PTHLH: variants seen among roughly 807,000 people sequenced by gnomAD.
The protein encoded by PTHLH is parathyroid hormone like hormone, also known as parathyroid hormone-related protein.
In PTHLH, 5 loss-of-function variants were observed where a neutral mutation model predicts 18.6. The ratio of observed to expected loss-of-function variants is 0.27; its 90% CI spans 0.14 to 0.56. PTHLH has a LOEUF of 0.56. Among genes scored for constraint, PTHLH ranks in the 20% least tolerant of loss-of-function variants. PTHLH has a pLI of 0.92. For synonymous variants in PTHLH, 90 were observed against 94.0 expected (o/e 0.96, Z 0.25); for missense variants, 207 against 223.9 (o/e 0.92, Z 0.48).
At chr12:27,970,800 T>G (rs1486118368) in intron 2 of PTHLH, among the ~76,000 whole-genome samples, 1 of 152,048 alleles carries the variant, frequency 6.6e-6, no homozygotes, top group Non-Finnish European at 1.5e-5. Flanking sequence ...TGTTGGCCTG[T>G]GAATTTAAGG....
At position 27,971,947 on chromosome 12, in the gene PTHLH, C is replaced by A. The variant is rs190390; in HGVS notation, c.-286G>T. 7.3e-6 allele frequency: 1 copy of A among 137,296 alleles called. No homozygotes were observed. The highest frequency in any genetic ancestry group is 1.5e-5 in the Non-Finnish European group (1 of 65,572). 8.5% of individuals were successfully genotyped at this position (137,296 alleles called of 1,614,324 possible). ...TCAACCTTTGAACCTCGAACACTTT[C>A]TGATTTATAAAAAGAATCCTTCCAA... is the stretch of plus-strand genomic sequence containing the variant. On this transcript the variant is annotated 5_prime_UTR_variant, in exon 2 of 6. Coordinates refer to ENST00000545234, the MANE Select transcript of PTHLH (RefSeq NM_198965.2).
chr12:27,969,256 G>C lies in PTHLH; in HGVS notation c.101+138C>G, dbSNP rs554979763. 2.4e-5 allele frequency: 19 copies of C among 802,424 alleles called. No homozygotes were observed. The East Asian group carries it at 4.8e-4, about 20-fold the overall frequency. The allele number at this position is 802,424 out of a possible 1,614,324, so 49.7% of individuals were successfully genotyped here. ...GAGGACCCGGGCTCAGGCCCCGGCA[G>C]GTATCCGGGATGGTCCCTCTCCCTA... On this transcript the variant is annotated intron_variant, in intron 4 of 5. Coordinates refer to ENST00000545234, the MANE Select transcript of PTHLH (RefSeq NM_198965.2).
At chr12:27,961,844 T>C in intron 5 of PTHLH, 1 of 609,568 alleles carries the variant, frequency 1.6e-6, no homozygotes, top group South Asian at 2.0e-5. Context: ...AGGTCCCCTT[T>C]GAAGCATCAT....
chr12:27,971,078 C>T (rs1386526820), intron 2 of PTHLH, among the ~76,000 whole-genome samples: 1 of 152,076 alleles, frequency 6.6e-6, no homozygotes, highest in African/African-American at 2.4e-5. Flanking sequence ...TCCTGGAGCA[C>T]GCACACGGCC....
At chr12:27,972,204 A>G (rs2062876883) in intron 1 of PTHLH, among the ~76,000 whole-genome samples, 185 bp from the exon 2 acceptor site, 1 of 152,220 alleles carries the variant, frequency 6.6e-6, no homozygotes, top group Non-Finnish European at 1.5e-5. Context: ...AGGTTAAAAC[A>G]AAAATCAGAT....
chr12:27,969,336 G>A, intron 4 of PTHLH, 58 bp downstream of exon 4: 2 of 1,479,380 alleles, frequency 1.4e-6, no homozygotes, highest in South Asian at 1.2e-5. Flanking sequence ...ATCCCAGCTT[G>A]GCAGCCCCTC....
At chr12:27,970,497 A>G (rs2062861520) in intron 2 of PTHLH, 1 of 151,448 alleles carries the variant, frequency 6.6e-6, no homozygotes, top group African/African-American at 2.4e-5. Context: ...AGCTGTCAGG[A>G]GCTCTGCCGA....
chr12:27,958,699 G>A (rs1285053708), intron 5 of PTHLH, 131 bp from the exon 6 acceptor site: 1 of 829,510 alleles, frequency 1.2e-6, no homozygotes. Flanking sequence ...GGAACTTCTT[G>A]TAAATATCTC....
At chr12:27,969,130 T>C (rs921795612) in intron 4 of PTHLH, 3 of 511,158 alleles carry the variant, frequency 5.9e-6, no homozygotes, top group East Asian at 3.4e-5. Context: ...GATCTTTCCC[T>C]AGAAGAGATT....
chr12:27,959,304 G>A (rs2062735561), intron 5 of PTHLH, among the ~76,000 whole-genome samples: 1 of 152,000 alleles, frequency 6.6e-6, no homozygotes, highest in African/African-American at 2.4e-5. Context: ...GTTAGCATTG[G>A]GAAAGTCTAC....
chr12:27,969,729 C>G (rs536860011), intron 3 of PTHLH: 1 of 723,814 alleles, frequency 1.4e-6, no homozygotes, highest in East Asian at 3.0e-5. Context: ...AACCACACAG[C>G]CAGAAAGAGC....
chr12:27,962,848 A>C (rs2062773466), intron 5 of PTHLH: 7 of 979,964 alleles, frequency 7.1e-6, no homozygotes, highest in African/African-American at 1.8e-5. Context: ...TTAATTAAAT[A>C]AAAAGTGTGA....
rs114884196 is a variant in PTHLH, at chr12:27,968,246, G to A, written c.101+1148C>T. ...CATTTTGATGCCAAGGTTCCGACATGTCTAAAGTAATTTCATTTAAGGATT... is the reference window on the plus strand; with the variant it reads ...CATTTTGATGCCAAGGTTCCGACATATCTAAAGTAATTTCATTTAAGGATT... On this transcript the variant is annotated intron_variant, in intron 4 of 5. Transcript: ENST00000545234. Among the ~76,000 whole-genome samples the A allele has an allele frequency of 7.9e-3, 1,199 of 152,286 alleles. 17 individuals carry two copies. The highest frequency in any genetic ancestry group is 0.028 in the African/African-American group (1,159 of 41,546).
At chr12:27,969,910 C>T (rs1011366553) in intron 3 of PTHLH, 115 bp downstream of exon 3, 1 of 520,636 alleles carries the variant, frequency 1.9e-6, no homozygotes, top group Non-Finnish European at 3.8e-6. Flanking sequence ...GGCTAACCGC[C>T]TCCTAAAAGA....
At chr12:27,961,289 A>ATATATATATATATATAAG (rs1216700849) in intron 5 of PTHLH, among the ~76,000 whole-genome samples, 5 of 31,574 alleles carry the variant, frequency 1.6e-4, no homozygotes, top group Non-Finnish European at 3.1e-4. Context: ...ATATATACGT[A>ATATATATATATATATAAG]TATATATATA....
In PTHLH at chr12:27,961,300, C is replaced by T. The variant is rs969755533; in HGVS notation, c.524+2048G>A. On this transcript the variant is annotated intron_variant, in intron 5 of 5. Transcript: ENST00000545234. ...TCATATATATACGTATATATATATACGTATATATATATATATATATACGTA... is the reference window on the plus strand; with the variant it reads ...TCATATATATACGTATATATATATATGTATATATATATATATATATACGTA... 1.5e-3 allele frequency among the ~76,000 whole-genome samples: 19 copies of T among 12,704 alleles called. 2 individuals are homozygous for T. The highest frequency in any genetic ancestry group is 2.8e-3 in the Admixed American group (5 of 1,808). The allele number at this position is 12,704 out of a possible 152,430, so 8.3% of individuals were successfully genotyped here.
intron 4 of PTHLH, among the ~76,000 whole-genome samples, chr12:27,966,274 A>G (rs1445003490): frequency 6.6e-6 from 1 of 152,248 alleles, no homozygotes; most frequent in Admixed American, 6.5e-5. Context: ...TCAATTTAAA[A>G]TAGTACATTG....
intron 5 of PTHLH, chr12:27,961,655 C>A: frequency 3.0e-6 from 1 of 333,184 alleles, no homozygotes; most frequent in African/African-American, 2.1e-5. Context: ...GGTTTGTTAC[C>A]CTTTAGAGAT....
intron 2 of PTHLH, among the ~76,000 whole-genome samples, chr12:27,970,620 G>C (rs2062863392): frequency 6.6e-6 from 1 of 151,970 alleles, no homozygotes. Flanking sequence ...GGATCCGGGA[G>C]CCGAGATCCC....
Sources: gnomAD v4.1 joint callset for allele counts (sites outside exome capture counted in the v4.1 genomes callset) on GRCh38, gnomAD v4.1.1 for gene constraint, MANE v1.5 for transcripts, NCBI Gene and HGNC (gene_info 2026-07-23, HGNC 2026-07-21) for gene names.